APOO: variants seen among roughly 807,000 people sequenced by gnomAD.
APOO encodes the protein apolipoprotein O, also known as MICOS complex subunit MIC26.
APOO carries 11 observed loss-of-function variants against 23.1 expected under a neutral mutation model. The observed-to-expected ratio is 0.48, with a 90% confidence interval of 0.30 to 0.79. APOO has a LOEUF of 0.79. Ranked by LOEUF, APOO falls within the 30% of genes least tolerant of loss-of-function variation. APOO has a pLI of 0.07. For missense variants in APOO, 160 were observed against 142.7 expected, an observed-to-expected ratio of 1.12 and a Z score of -0.62; for synonymous variants, 59 against 54.8, an observed-to-expected ratio of 1.08 and a Z score of -0.34.
chrX:23,849,609 A>AAAAAAAAAAAAAAAAT (rs1311653969), intron 7 of APOO, among the ~76,000 whole-genome samples: 1 of 94,478 alleles, frequency 1.1e-5, no homozygotes, highest in Non-Finnish European at 2.0e-5. Flanking sequence ...AAAAAAAAAA[A>AAAAAAAAAAAAAAAAT]GTTCGGGCAT....
chrX:23,897,290 T>C (rs1321184213), intron 1 of APOO, among the ~76,000 whole-genome samples: 1 of 112,360 alleles, frequency 8.9e-6, no homozygotes, highest in East Asian at 2.8e-4. Flanking sequence ...ATAAAATTCA[T>C]GTAGAAAAAT....
intron 1 of APOO, among the ~76,000 whole-genome samples, chrX:23,887,229 C>CTTTTTTTTTTTT (rs765596270): frequency 7.4e-5 from 4 of 54,212 alleles, no homozygotes; most frequent in Non-Finnish European, 9.5e-5. Flanking sequence ...TTCTTTTTCC[C>CTTTTTTTTTTTT]TTTTTTTTTT....
intron 8 of APOO, among the ~76,000 whole-genome samples, 168 bp from the exon 9 acceptor site, chrX:23,833,780 G>C (rs975412941): frequency 9.0e-6 from 1 of 111,166 alleles, no homozygotes; most frequent in African/African-American, 3.3e-5. Flanking sequence ...TCAGAAGTTC[G>C]AGACCAGCCT....
At chrX:23,857,863 C>CCAT (rs1348998389) in intron 6 of APOO, among the ~76,000 whole-genome samples, 1 of 111,253 alleles carries the variant, frequency 9.0e-6, no homozygotes, top group African/African-American at 3.3e-5. Context: ...CTACTGGTCT[C>CCAT]CATCAGTGGT....
chrX:23,907,095 A>G (rs1290305477), intron 1 of APOO, among the ~76,000 whole-genome samples: 2 of 112,198 alleles, frequency 1.8e-5, no homozygotes, highest in Non-Finnish European at 3.8e-5. Flanking sequence ...TTCGAAATTA[A>G]GTCTTCATCG....
chrX:23,884,819 G>A (rs530800099), intron 1 of APOO, among the ~76,000 whole-genome samples: 1 of 111,428 alleles, frequency 9.0e-6, no homozygotes, highest in East Asian at 2.8e-4. Flanking sequence ...TTTTCTAGTT[G>A]GGTGGTGACA....
At chrX:23,852,961 AAAAAAC>A (rs1924610467) in intron 7 of APOO, among the ~76,000 whole-genome samples, 1 of 110,736 alleles carries the variant, frequency 9.0e-6, no homozygotes, top group Non-Finnish European at 1.9e-5. Flanking sequence ...GCTCTCATTA[AAAAAAC>A]AAAAACAAGG....
intron 7 of APOO, among the ~76,000 whole-genome samples, chrX:23,851,516 G>A (rs1383602176): frequency 8.9e-6 from 1 of 112,328 alleles, no homozygotes; most frequent in Non-Finnish European, 1.9e-5. Flanking sequence ...TTTAAAGGTA[G>A]ATAATTGGTT....
At chrX:23,904,752 C>T (rs1037656540) in intron 1 of APOO, among the ~76,000 whole-genome samples, 4 of 110,571 alleles carry the variant, frequency 3.6e-5, no homozygotes, top group Non-Finnish European at 7.6e-5. Context: ...GTGATCCGCC[C>T]GCCTCGGCCT....
intron 2 of APOO, among the ~76,000 whole-genome samples, chrX:23,879,386 A>T (rs903601306): frequency 3.6e-5 from 4 of 112,160 alleles, no homozygotes; most frequent in African/African-American, 1.3e-4. Context: ...CAGTAAGCCA[A>T]GATTGTGCCA....
At chrX:23,876,262 C>CA (rs1336049187) in intron 3 of APOO, among the ~76,000 whole-genome samples, 1 of 105,756 alleles carries the variant, frequency 9.5e-6, no homozygotes, top group Non-Finnish European at 1.9e-5. Flanking sequence ...GACTCCGTCT[C>CA]AAAAAAATAA....
chrX:23,839,055 C>T (rs927795364), intron 8 of APOO, among the ~76,000 whole-genome samples: 2 of 111,956 alleles, frequency 1.8e-5, no homozygotes, highest in African/African-American at 3.2e-5. Context: ...GCTCACCCTC[C>T]AGTCATCCTT....
chrX:23,864,821 C>T (rs1452038865), intron 5 of APOO, among the ~76,000 whole-genome samples: 2 of 111,560 alleles, frequency 1.8e-5, no homozygotes, highest in African/African-American at 6.5e-5. Flanking sequence ...CCTGTGATAT[C>T]CCTGCATATG....
chrX:23,892,889 C>T (rs1234960346), intron 1 of APOO, among the ~76,000 whole-genome samples: 2 of 105,855 alleles, frequency 1.9e-5, no homozygotes, highest in Admixed American at 2.1e-4. Context: ...CTATTTTAAT[C>T]TGATTCTAAT....
chrX:23,856,540 C>T (rs1201399860), intron 6 of APOO, among the ~76,000 whole-genome samples, 158 bp from the exon 7 acceptor site: 2 of 111,404 alleles, frequency 1.8e-5, no homozygotes, highest in African/African-American at 6.5e-5. Context: ...AACCTAAATG[C>T]CCATCAATGG....
At chrX:23,848,127 C>T (rs1167239311) in intron 7 of APOO, among the ~76,000 whole-genome samples, 1 of 108,094 alleles carries the variant, frequency 9.3e-6, no homozygotes, top group Non-Finnish European at 1.9e-5. Flanking sequence ...CCCACTTCAG[C>T]CCCCCAAAGT....
At chrX:23,907,600 G>C in intron 1 of APOO, 94 bp downstream of exon 1, 1 of 976,822 alleles carries the variant, frequency 1.0e-6, no homozygotes, top group Non-Finnish European at 1.4e-6. Flanking sequence ...GGGTGAGCCA[G>C]GCCTGGCTGC....
chrX:23,904,064 C>T (rs191588322), intron 1 of APOO, among the ~76,000 whole-genome samples: 2 of 111,728 alleles, frequency 1.8e-5, no homozygotes, highest in African/African-American at 6.5e-5. Context: ...ATCATGAAAG[C>T]TTTCCAAAGT....
chrX:23,906,535 CAT>C (rs1482648048), intron 1 of APOO, among the ~76,000 whole-genome samples: 3 of 112,481 alleles, frequency 2.7e-5, no homozygotes, highest in Non-Finnish European at 1.9e-5. Flanking sequence ...CTGGCCACAG[CAT>C]ATCTTTCCTT....
Sources: gnomAD v4.1 joint callset for allele counts (sites outside exome capture counted in the v4.1 genomes callset) on GRCh38, gnomAD v4.1.1 for gene constraint, MANE v1.5 for transcripts, NCBI Gene and HGNC (gene_info 2026-07-23, HGNC 2026-07-21) for gene names.